The following ADAMTSL1 variants were observed in gnomAD, a reference collection of about 807,000 sequenced individuals.
The protein encoded by ADAMTSL1 is ADAMTS like 1, also known as ADAMTS-like protein 1.
A neutral mutation model predicts 201.8 loss-of-function variants in ADAMTSL1; 126 were observed. That is an observed-to-expected ratio of 0.62 (90% CI 0.54 to 0.72). The LOEUF (loss-of-function observed/expected upper bound fraction) is 0.72. Among genes scored for constraint, ADAMTSL1 ranks in the 30% least tolerant of loss-of-function variants. The probability of loss-of-function intolerance (pLI) is 0.00; values close to 1 mark genes in which losing one functional copy is unlikely to be tolerated. For synonymous variants in ADAMTSL1, 1,121 were observed against 903.4 expected (o/e 1.24, Z -4.32); for missense variants, 2,679 against 2,277.8 (o/e 1.18, Z -3.59).
chr9:18,763,854 T>C lies in ADAMTSL1; in HGVS notation c.2218-6748T>C, dbSNP rs141551749. Among the ~76,000 whole-genome samples, 693 of 152,336 alleles carry C rather than the reference T, an allele frequency of 4.5e-3. 2 individuals are homozygous for C. The highest frequency in any genetic ancestry group is 7.8e-3 in the Non-Finnish European group (533 of 68,026). On this transcript the variant is annotated intron_variant, in intron 16 of 28. Coordinates refer to ENST00000380548, the MANE Select transcript of ADAMTSL1 (RefSeq NM_001040272.6). Reference sequence around the variant, plus strand: ...ATTCCATTGGTCTATATGTCTGTTTTCATGCCAGTACTATGCTATAGCTGG... The same window carrying C: ...ATTCCATTGGTCTATATGTCTGTTTCCATGCCAGTACTATGCTATAGCTGG...
chr9:18,868,918 A>C (rs894795203), intron 23 of ADAMTSL1, among the ~76,000 whole-genome samples: 2 of 152,196 alleles, frequency 1.3e-5, no homozygotes, highest in African/African-American at 4.8e-5. Flanking sequence ...AGATGTTGAA[A>C]TCCTAATCTC....
chr9:18,183,873 C>G (rs1202522241), intron 2 of ADAMTSL1, among the ~76,000 whole-genome samples: 1 of 152,074 alleles, frequency 6.6e-6, no homozygotes, highest in Non-Finnish European at 1.5e-5. Context: ...TGAATTTGCA[C>G]TGAGAAATTA....
intron 2 of ADAMTSL1, among the ~76,000 whole-genome samples, chr9:18,311,576 G>A (rs897807038): frequency 6.6e-6 from 1 of 152,088 alleles, no homozygotes; most frequent in Non-Finnish European, 1.5e-5. Flanking sequence ...CTGAACTGCT[G>A]AACATCATGA....
chr9:17,959,388 C>T (rs940420929), intron 1 of ADAMTSL1, among the ~76,000 whole-genome samples: 1 of 152,136 alleles, frequency 6.6e-6, no homozygotes, highest in African/African-American at 2.4e-5. Flanking sequence ...TTCCTCTACC[C>T]ACAGCTTTAC....
At chr9:18,652,270 G>T (rs1828330689) in intron 7 of ADAMTSL1, among the ~76,000 whole-genome samples, 1 of 151,476 alleles carries the variant, frequency 6.6e-6, no homozygotes, top group Non-Finnish European at 1.5e-5. Flanking sequence ...TACTCGGGAG[G>T]CTGAGGCAGG....
intron 2 of ADAMTSL1, among the ~76,000 whole-genome samples, chr9:18,287,015 C>T (rs1034467055): frequency 2.0e-5 from 3 of 152,072 alleles, no homozygotes; most frequent in Non-Finnish European, 4.4e-5. Flanking sequence ...AACAAATAAT[C>T]CCAAATTCTC....
intron 2 of ADAMTSL1, among the ~76,000 whole-genome samples, chr9:18,329,248 G>A (rs1834941838): frequency 1.3e-5 from 2 of 152,104 alleles, no homozygotes. Flanking sequence ...TTAATCTTGG[G>A]CTTCCCAGCC....
chr9:18,672,611 A>T (rs967363760), intron 9 of ADAMTSL1, among the ~76,000 whole-genome samples: 9 of 151,744 alleles, frequency 5.9e-5, no homozygotes, highest in Admixed American at 5.2e-4. Context: ...ATATTTTCTC[A>T]TTATGGTCAA....
At chr9:18,529,443 A>T (rs1819301277) in intron 2 of ADAMTSL1, among the ~76,000 whole-genome samples, 1 of 152,184 alleles carries the variant, frequency 6.6e-6, no homozygotes. Context: ...AGTCACGCCT[A>T]GATTCCAATC....
intron 21 of ADAMTSL1, among the ~76,000 whole-genome samples, chr9:18,824,036 C>CGAAG (rs72217621): frequency 7.3e-4 from 107 of 147,438 alleles, no homozygotes; most frequent in South Asian, 3.0e-3. Flanking sequence ...AAGGAAGGAA[C>CGAAG]GAAGGAAGGA....
intron 5 of ADAMTSL1, among the ~76,000 whole-genome samples, chr9:18,625,116 G>T (rs1826276571): frequency 6.6e-6 from 1 of 152,160 alleles, no homozygotes; most frequent in Non-Finnish European, 1.5e-5. Context: ...CAGTGGAGAA[G>T]CCAGGTGAGC....
At chr9:18,848,887 C>T (rs1249644469) in intron 23 of ADAMTSL1, among the ~76,000 whole-genome samples, 1 of 152,178 alleles carries the variant, frequency 6.6e-6, no homozygotes, top group East Asian at 1.9e-4. Context: ...TGCACTCGGG[C>T]CATTCCCTTT....
chr9:17,975,157 T>C (rs910792154), intron 1 of ADAMTSL1, among the ~76,000 whole-genome samples: 1 of 152,102 alleles, frequency 6.6e-6, no homozygotes, highest in Non-Finnish European at 1.5e-5. Flanking sequence ...GCCATTTCTA[T>C]GTTTTCTGTA....
At chr9:18,055,183 A>C (rs554349883) in intron 1 of ADAMTSL1, among the ~76,000 whole-genome samples, 9 of 152,236 alleles carry the variant, frequency 5.9e-5, no homozygotes, top group Non-Finnish European at 1.0e-4. Flanking sequence ...AGTCTGTAGT[A>C]ACAGTGCTCT....
At chr9:18,247,119 A>G (rs1831282292) in intron 2 of ADAMTSL1, among the ~76,000 whole-genome samples, 1 of 152,192 alleles carries the variant, frequency 6.6e-6, no homozygotes, top group Admixed American at 6.6e-5. Context: ...GAACAGTCAC[A>G]TTAATAAATA....
At chr9:18,047,385 G>C (rs1275734201) in intron 1 of ADAMTSL1, among the ~76,000 whole-genome samples, 1 of 152,130 alleles carries the variant, frequency 6.6e-6, no homozygotes. Flanking sequence ...AATGGGTAAA[G>C]GACAGGTATA....
rs532477819 is a variant in ADAMTSL1 at position 18,301,225 on chromosome 9, T to C, written c.207+137244T>C. 5.4e-4 allele frequency among the ~76,000 whole-genome samples: 82 copies of C among 152,272 alleles called. No homozygotes were observed. The South Asian group carries it at 0.016, about 29-fold the overall frequency. The stretch of plus-strand genomic sequence containing the variant: ...ATAAAGTGCATATAAATTTCAGAGA[T>C]GTTAAAAGGTATAAAAACAATGCGT... On this transcript the variant is annotated intron_variant, in intron 2 of 29. Transcript: ENST00000680146.
At chr9:18,055,277 G>A (rs930014578) in intron 1 of ADAMTSL1, among the ~76,000 whole-genome samples, 6 of 152,096 alleles carry the variant, frequency 3.9e-5, no homozygotes, top group Non-Finnish European at 8.8e-5. Flanking sequence ...ATAAGACCTT[G>A]GGCCTCACAA....
chr9:18,391,311 T>C (rs369914654), intron 2 of ADAMTSL1, among the ~76,000 whole-genome samples: 1 of 151,962 alleles, frequency 6.6e-6, no homozygotes, highest in East Asian at 1.9e-4. Flanking sequence ...TTACTAGAGA[T>C]TTTTTAGTGG....
Sources: allele counts gnomAD v4.1 joint callset (sites outside exome capture counted in the v4.1 genomes callset), GRCh38; gene constraint gnomAD v4.1.1; transcripts MANE v1.5; gene names NCBI Gene and HGNC (gene_info 2026-07-23, HGNC 2026-07-21).